PRUNE2: variants seen among roughly 807,000 people sequenced by gnomAD.
PRUNE2 encodes prune homolog 2 with BCH domain.
Under a neutral mutation model 252.0 loss-of-function variants are expected in PRUNE2, and 164 were observed. The observed-to-expected ratio is 0.65, with a 90% CI of 0.57 to 0.74. The LOEUF is 0.74. PRUNE2 is among the 30% of genes least tolerant of loss of function. The pLI, the probability that PRUNE2 is intolerant of heterozygous loss-of-function variation, is 0.00. For synonymous variants in PRUNE2, 1,292 were observed against 1,350.2 expected (o/e 0.96, Z 0.94); for missense variants, 3,495 against 3,711.0 (o/e 0.94, Z 1.51).
At chr9:76,888,523 G>A (rs1373983637) in intron 1 of PRUNE2, among the ~76,000 whole-genome samples, 1 of 151,846 alleles carries the variant, frequency 6.6e-6, no homozygotes, top group Non-Finnish European at 1.5e-5. Context: ...GTTGCAGTGA[G>A]CCGAGGTCGC....
rs946723856 is a variant in PRUNE2, at chr9:76,706,159, T to G, written c.6115A>C (p.Thr2039Pro). 6.2e-7 allele frequency: 1 copy of G among 1,613,814 alleles called. No homozygotes were observed. The highest frequency in any genetic ancestry group is 8.5e-7 in the Non-Finnish European group (1 of 1,179,882). Residue 2039 changes from threonine (T) to proline (P), a missense_variant, in exon 8 of 19, where the codon ACC (threonine) becomes CCC (proline). Transcript: ENST00000376718. ...MKPGSEWDGS[T>P]PSEDSRGTFV... ...GTACCTCGGGAGTCCTCACTTGGGG[T>G]AGAGCCATCCCATTCAGAGCCTGGC...
intron 9 of PRUNE2, chr9:76,687,619 G>C: frequency 2.4e-6 from 1 of 419,930 alleles, no homozygotes; most frequent in Non-Finnish European, 4.8e-6. Flanking sequence ...GCTTCTTTCT[G>C]ATACTCACTG....
chr9:76,818,838 T>G (rs1355233870), intron 6 of PRUNE2, among the ~76,000 whole-genome samples: 1 of 152,230 alleles, frequency 6.6e-6, no homozygotes, highest in Non-Finnish European at 1.5e-5. Context: ...ATGACTACTG[T>G]CACAGTAGTA....
At chr9:76,891,482 C>T (rs2062469397) in intron 1 of PRUNE2, among the ~76,000 whole-genome samples, 11 of 152,190 alleles carry the variant, frequency 7.2e-5, no homozygotes, top group Admixed American at 6.5e-4. Flanking sequence ...TTGGGCTCAG[C>T]ATGTTTCCAC....
rs1044104165 is a variant in PRUNE2, at chr9:76,704,804, ATC to A, written c.7468_7469del (p.Asp2490Ter). On this transcript the variant is annotated frameshift_variant, in exon 8 of 19. Coordinates refer to ENST00000376718, the MANE Select transcript of PRUNE2 (RefSeq NM_015225.3). LOFTEE classifies it high-confidence loss of function. ...CTCCACCTGCTGGTAAATCAGAATT[ATC>A]TGTTTCTACTTCCCAGTCAACGTTT... ...PSNVDWEVET[D>X]NSDLPAGGDI... 1.3e-6 allele frequency: 2 copies of A among 1,579,106 alleles called. No homozygotes were observed. Among genetic ancestry groups the A allele is most frequent in the East Asian group, 2.3e-5 (1 of 43,620 alleles).
chr9:76,803,217 A>G (rs1033039973), intron 6 of PRUNE2, among the ~76,000 whole-genome samples: 8 of 152,170 alleles, frequency 5.3e-5, no homozygotes, highest in South Asian at 2.1e-4. Context: ...CCACTTTGGG[A>G]AGGGTGGTGA....
intron 6 of PRUNE2, among the ~76,000 whole-genome samples, chr9:76,799,251 G>C (rs2056365151): frequency 6.6e-6 from 1 of 150,880 alleles, no homozygotes; most frequent in Non-Finnish European, 1.5e-5. Flanking sequence ...TGAGGCAGGA[G>C]AATTGCTTGA....
At chr9:76,898,071 C>A (rs1256208270) in intron 1 of PRUNE2, among the ~76,000 whole-genome samples, 1 of 152,126 alleles carries the variant, frequency 6.6e-6, no homozygotes, top group Non-Finnish European at 1.5e-5. Flanking sequence ...CCCGGGGAGG[C>A]TAAGAAACTA....
chr9:76,899,563 G>C (rs2063046496), intron 1 of PRUNE2, among the ~76,000 whole-genome samples: 1 of 151,942 alleles, frequency 6.6e-6, no homozygotes, highest in Admixed American at 6.5e-5. Flanking sequence ...GTCATGCTTT[G>C]TGCAGGACTC....
At chr9:76,807,348 T>C (rs961689081) in intron 6 of PRUNE2, among the ~76,000 whole-genome samples, 2 of 152,092 alleles carry the variant, frequency 1.3e-5, no homozygotes, top group East Asian at 3.9e-4. Context: ...TCTGGGATTA[T>C]AGGCATGAGC....
At chr9:76,767,198 T>C (rs503236) in intron 6 of PRUNE2, among the ~76,000 whole-genome samples, 49,063 of 152,082 alleles carry the variant, frequency 0.32, 8,204 homozygotes, top group South Asian at 0.42. Flanking sequence ...ACGCCTGTAA[T>C]CCCAGCACTT....
chr9:76,699,949 G>A (rs1347794543), intron 9 of PRUNE2, among the ~76,000 whole-genome samples: 1 of 152,176 alleles, frequency 6.6e-6, no homozygotes, highest in African/African-American at 2.4e-5. Flanking sequence ...TCACTGTCTT[G>A]GGGAACTGGT....
chr9:76,655,302 T>C, intron 10 of PRUNE2, 121 bp downstream of exon 10: 1 of 788,098 alleles, frequency 1.3e-6, no homozygotes. Context: ...ATTTCTTTTT[T>C]CCTCTCACTG....
chr9:76,621,031 C>A (rs914158213), intron 17 of PRUNE2, among the ~76,000 whole-genome samples: 1 of 152,058 alleles, frequency 6.6e-6, no homozygotes, highest in Non-Finnish European at 1.5e-5. Context: ...CTTCTGAAGT[C>A]AATTAGAGTT....
chr9:76,777,537 A>G (rs1358542034), intron 6 of PRUNE2, among the ~76,000 whole-genome samples: 1 of 152,246 alleles, frequency 6.6e-6, no homozygotes, highest in African/African-American at 2.4e-5. Context: ...AAATGTATTC[A>G]TTTATTCAAT....
chr9:76,635,764 C>G (rs1839802223), intron 15 of PRUNE2, among the ~76,000 whole-genome samples: 1 of 152,240 alleles, frequency 6.6e-6, no homozygotes, highest in East Asian at 1.9e-4. Flanking sequence ...AATCTGTACC[C>G]TGATGGTGGG....
intron 4 of PRUNE2, among the ~76,000 whole-genome samples, chr9:76,845,031 A>G (rs1451262744): frequency 6.6e-6 from 1 of 151,254 alleles, no homozygotes; most frequent in African/African-American, 2.4e-5. Context: ...AAAAAAGCAA[A>G]AAAATTTAAA....
At chr9:76,726,688 AAAAAGCAGTCAAGCC>A (rs1588872959) in intron 6 of PRUNE2, among the ~76,000 whole-genome samples, 1 of 152,248 alleles carries the variant, frequency 6.6e-6, no homozygotes. Context: ...ACAATCCAGG[AAAAAGCAGTCAAGCC>A]TCCTTAATCT....
At chr9:76,685,124 G>A (rs1469836808) in intron 9 of PRUNE2, among the ~76,000 whole-genome samples, 1 of 152,174 alleles carries the variant, frequency 6.6e-6, no homozygotes. Flanking sequence ...TTCCTTATCT[G>A]CAAAATGGGA....
Sources: allele counts gnomAD v4.1 joint callset (sites outside exome capture counted in the v4.1 genomes callset), GRCh38; gene constraint gnomAD v4.1.1; transcripts MANE v1.5; gene names NCBI Gene and HGNC (gene_info 2026-07-23, HGNC 2026-07-21).